TMEM132B: variants seen among roughly 807,000 people sequenced by gnomAD.
TMEM132B encodes the protein transmembrane protein 132B.
TMEM132B carries 18 observed loss-of-function variants against 90.8 expected under a neutral mutation model. That is an observed-to-expected ratio of 0.20 (90% CI 0.14 to 0.29). The LOEUF is 0.29. Ranked by LOEUF, TMEM132B falls within the 10% of genes least tolerant of loss-of-function variation. The pLI is 1.00. For synonymous variants in TMEM132B, 504 were observed against 523.3 expected (o/e 0.96, Z 0.50); for missense variants, 1,096 against 1,326.8 (o/e 0.83, Z 2.70).
intron 2 of TMEM132B, among the ~76,000 whole-genome samples, chr12:125,366,810 ACTAT>A (rs1878147285): frequency 2.0e-5 from 3 of 152,148 alleles, no homozygotes; most frequent in East Asian, 1.9e-4. Context: ...CATATACTAG[ACTAT>A]CTATTATTAT....
In TMEM132B at chr12:125,360,038, A is replaced by G. The variant is rs183836338; in HGVS notation, c.959+9695A>G. Among the ~76,000 whole-genome samples, 352 of 152,346 alleles carry G rather than the reference A, an allele frequency of 2.3e-3. 1 individual carries two copies. Among genetic ancestry groups the G allele is most frequent in the African/African-American group, 8.2e-3 (343 of 41,588 alleles). Reference sequence around the variant, plus strand: ...GGTTGCAGTGAGCTGAGATCGTGCCACTGTACACCAGCCTGGCGACAGAGC... The same window carrying G: ...GGTTGCAGTGAGCTGAGATCGTGCCGCTGTACACCAGCCTGGCGACAGAGC... On this transcript the variant is annotated intron_variant, in intron 2 of 8. Transcript: ENST00000682704.
chr12:125,194,284 C>T (rs944976658), intron 1 of TMEM132B, among the ~76,000 whole-genome samples: 1 of 151,064 alleles, frequency 6.6e-6, no homozygotes, highest in Non-Finnish European at 1.5e-5. Flanking sequence ...GGGGGTCTTA[C>T]TCATTGTGGC....
chr12:125,368,677 A>G (rs1278472710), intron 2 of TMEM132B, among the ~76,000 whole-genome samples: 2 of 152,200 alleles, frequency 1.3e-5, no homozygotes, highest in Non-Finnish European at 2.9e-5. Context: ...CGTATCCTCC[A>G]TAGCTTTGTT....
chr12:125,226,695 A>G (rs11058077), intron 1 of TMEM132B, among the ~76,000 whole-genome samples: 5,457 of 152,266 alleles, frequency 0.036, 125 homozygotes, highest in Non-Finnish European at 0.049. Flanking sequence ...CACTCTTCCT[A>G]GGTCCTCAGT....
intron 1 of TMEM132B, among the ~76,000 whole-genome samples, chr12:125,192,756 A>T (rs569050314): frequency 9.2e-5 from 14 of 152,306 alleles, no homozygotes; most frequent in African/African-American, 3.4e-4. Context: ...TGGAAGGCGG[A>T]TGGCTGCAAA....
intron 1 of TMEM132B, among the ~76,000 whole-genome samples, chr12:125,334,808 G>A (rs1023638182): frequency 2.6e-5 from 4 of 152,190 alleles, no homozygotes; most frequent in African/African-American, 7.2e-5. Flanking sequence ...TGCCATGCAC[G>A]ACCGTCTCAT....
chr12:125,403,127 A>G (rs1235313868), intron 2 of TMEM132B, among the ~76,000 whole-genome samples: 1 of 152,152 alleles, frequency 6.6e-6, no homozygotes, highest in East Asian at 1.9e-4. Flanking sequence ...AATAAGATAA[A>G]CCTTTTAGCT....
chr12:125,619,175 G>A (rs995192169), intron 5 of TMEM132B, among the ~76,000 whole-genome samples: 16 of 152,074 alleles, frequency 1.1e-4, no homozygotes, highest in African/African-American at 3.6e-4. Flanking sequence ...GATAAAGGGA[G>A]CAGCACTTGG....
intron 4 of TMEM132B, among the ~76,000 whole-genome samples, chr12:125,561,458 C>T (rs1053798250): frequency 6.6e-6 from 1 of 152,014 alleles, no homozygotes; most frequent in Non-Finnish European, 1.5e-5. Context: ...CACCATGGCA[C>T]GTGTATACCT....
intron 4 of TMEM132B, among the ~76,000 whole-genome samples, chr12:125,527,441 T>TCCATCCACCCATCC (rs1883514330): frequency 5.3e-5 from 2 of 37,738 alleles, no homozygotes; most frequent in African/African-American, 2.3e-4. Context: ...TCCACCTATT[T>TCCATCCACCCATCC]ACCCTTCCAT....
chr12:125,532,810 C>T (rs1484830005), intron 4 of TMEM132B, among the ~76,000 whole-genome samples: 3 of 152,066 alleles, frequency 2.0e-5, no homozygotes, highest in Admixed American at 6.5e-5. Context: ...CCACCACACC[C>T]GGCCTTAGGA....
Position 125,658,718 on chromosome 12 carries a change from A to G in TMEM132B, c.*4008A>G, listed in dbSNP as rs1887134324. 1 of 152,252 alleles carries G rather than the reference A, an allele frequency of 6.6e-6. No individual in the cohort carries two copies. The highest frequency in any genetic ancestry group is 1.5e-5 in the Non-Finnish European group (1 of 68,044). 9.4% of individuals were successfully genotyped at this position (152,252 alleles called of 1,614,324 possible). On this transcript the variant is annotated 3_prime_UTR_variant, in exon 9 of 9. Coordinates refer to ENST00000682704, the MANE Select transcript of TMEM132B (RefSeq NM_001366854.1). ...ACACCGAGTTTTTTAAAGTGAAAGC[A>G]TGCAAAATCGTAGCTTTTAAATGTA...
chr12:125,353,964 CT>C (rs1877680162), intron 2 of TMEM132B, among the ~76,000 whole-genome samples: 1 of 152,138 alleles, frequency 6.6e-6, no homozygotes, highest in Non-Finnish European at 1.5e-5. Flanking sequence ...CTGACTTGGC[CT>C]TGAAAAATCA....
At chr12:125,564,657 T>A (rs552080423) in intron 4 of TMEM132B, among the ~76,000 whole-genome samples, 25 of 152,376 alleles carry the variant, frequency 1.6e-4, no homozygotes, top group African/African-American at 5.8e-4. Flanking sequence ...AGGATGTGCC[T>A]CTTGTTTTTT....
chr12:125,469,359 T>C (rs1251646972), intron 3 of TMEM132B, among the ~76,000 whole-genome samples: 1 of 152,236 alleles, frequency 6.6e-6, no homozygotes, highest in African/African-American at 2.4e-5. Context: ...AGTGATGTTA[T>C]TTTTTCTACC....
intron 5 of TMEM132B, among the ~76,000 whole-genome samples, chr12:125,616,089 TC>T (rs1006147382): frequency 2.3e-5 from 2 of 87,568 alleles, no homozygotes; most frequent in African/African-American, 9.2e-5. Context: ...CCCTCTCCCC[TC>T]CCCCCACCCC....
At chr12:125,616,185 G>A (rs1208177273) in intron 5 of TMEM132B, among the ~76,000 whole-genome samples, 2 of 148,140 alleles carry the variant, frequency 1.4e-5, no homozygotes, top group African/African-American at 2.5e-5. Context: ...GAGAACATGC[G>A]GTGTTTGGTT....
chr12:125,544,580 G>T (rs1328570474), intron 4 of TMEM132B, among the ~76,000 whole-genome samples: 3 of 152,060 alleles, frequency 2.0e-5, no homozygotes, highest in Non-Finnish European at 4.4e-5. Flanking sequence ...AGGGAAAATG[G>T]GTAAAGAGTA....
intron 1 of TMEM132B, among the ~76,000 whole-genome samples, chr12:125,222,805 C>G (rs1873590264): frequency 6.6e-6 from 1 of 152,184 alleles, no homozygotes; most frequent in African/African-American, 2.4e-5. Context: ...GTGTGACAAC[C>G]AAAAATGTCT....
Sources: allele counts gnomAD v4.1 joint callset (sites outside exome capture counted in the v4.1 genomes callset), GRCh38; gene constraint gnomAD v4.1.1; transcripts MANE v1.5; gene names NCBI Gene and HGNC (gene_info 2026-07-23, HGNC 2026-07-21).